The following KIF27 variants were observed in gnomAD, a reference collection of about 807,000 sequenced individuals.
KIF27 encodes kinesin family member 27, also known as kinesin-like protein KIF27.
Under a neutral mutation model 141.8 loss-of-function variants are expected in KIF27, and 84 were observed. That is an observed-to-expected ratio of 0.59 (90% confidence interval 0.50 to 0.71). The LOEUF is 0.71. Among genes scored for constraint, KIF27 ranks in the 30% least tolerant of loss-of-function variants. KIF27 has a pLI of 0.00. For missense variants in KIF27, 1,306 were observed against 1,628.4 expected (o/e 0.80, Z 3.41); for synonymous variants, 471 against 569.5 (o/e 0.83, Z 2.46).
intron 16 of KIF27, among the ~76,000 whole-genome samples, chr9:83,845,023 G>A (rs1947073121): frequency 6.6e-6 from 1 of 152,160 alleles, no homozygotes; most frequent in South Asian, 2.1e-4. Context: ...ATAGGTCCAG[G>A]ATGCTGTGCA....
chr9:83,898,323 T>G (rs546953705), intron 5 of KIF27, among the ~76,000 whole-genome samples: 8 of 152,298 alleles, frequency 5.3e-5, no homozygotes, highest in Admixed American at 4.6e-4. Flanking sequence ...AGTGGATGAA[T>G]CATAACAATG....
rs1169193264 is a variant in KIF27, at chr9:83,862,519, G to T, written c.2935-3148C>A. On this transcript the variant is annotated intron_variant, in intron 13 of 17. Coordinates refer to ENST00000297814, the MANE Select transcript of KIF27 (RefSeq NM_017576.4). The stretch of plus-strand genomic sequence containing the variant: ...GTATTATTTCTGAGGGCTCTGTTCT[G>T]TTCCACTGGTCTATATCTCTGTTTT... Among the ~76,000 whole-genome samples the T allele has an allele frequency of 2.0e-5, 3 of 152,080 alleles. No homozygotes were observed. The East Asian group carries it at 5.8e-4, about 29-fold the overall frequency.
chr9:83,858,564 T>C (rs7027334), intron 14 of KIF27: 4 of 152,352 alleles, frequency 2.6e-5, no homozygotes, highest in African/African-American at 9.6e-5. Context: ...TGACAGCCCA[T>C]AAATGAATCA....
intron 10 of KIF27, 95 bp from the exon 11 acceptor site, chr9:83,880,589 T>C: frequency 1.0e-6 from 1 of 979,118 alleles, no homozygotes; most frequent in South Asian, 1.6e-5. Flanking sequence ...AAGAAGAAAT[T>C]TTCCCTAGAT....
At chr9:83,867,233 G>A (rs1950435608) in intron 13 of KIF27, among the ~76,000 whole-genome samples, 1 of 152,096 alleles carries the variant, frequency 6.6e-6, no homozygotes, top group Non-Finnish European at 1.5e-5. Flanking sequence ...GATAATCACA[G>A]TTTATCCATT....
chr9:83,883,933 C>T lies in KIF27; in HGVS notation c.2325G>A (p.Leu775=), dbSNP rs2132252384. The T allele has an allele frequency of 1.2e-6, 2 of 1,613,716 alleles. No homozygotes were observed. The highest frequency in any genetic ancestry group is 1.7e-6 in the Non-Finnish European group (2 of 1,179,710). Residue 775 remains leucine, a synonymous_variant, in exon 10 of 18, where the codon CTG becomes CTA. Transcript: ENST00000297814. The part of the protein sequence containing the change: ...EHDAEQAKVE[L]IETQKQLQEL... ...CCTGTAGCTGCTTTTGTGTTTCAAT[C>T]AGTTCGACTTTTGCCTGTTCTGCAT...
At chr9:83,918,281 G>C (rs1039814976) in intron 1 of KIF27, among the ~76,000 whole-genome samples, 1 of 123,648 alleles carries the variant, frequency 8.1e-6, no homozygotes, top group African/African-American at 3.2e-5. Flanking sequence ...AGCAGAGCAA[G>C]AACTTGTCTC....
chr9:83,881,516 TCA>T (rs1424960462), intron 10 of KIF27, among the ~76,000 whole-genome samples: 5 of 152,210 alleles, frequency 3.3e-5, no homozygotes, highest in African/African-American at 1.2e-4. Flanking sequence ...CAGTGCTAGT[TCA>T]CAGACATTGT....
chr9:83,845,489 C>T (rs1947146391), intron 16 of KIF27, among the ~76,000 whole-genome samples: 2 of 152,196 alleles, frequency 1.3e-5, no homozygotes, highest in Admixed American at 6.5e-5. Flanking sequence ...TCTCCTCCAG[C>T]CTGCACCGAT....
In KIF27 at chr9:83,889,123, T is replaced by C; in HGVS notation, c.1940A>G (p.Asp647Gly). The change falls in exon 7 of 18, where the codon GAT (aspartate) becomes GGT (glycine). Residue 647 changes from aspartate to glycine, a missense_variant. Physicochemically the swap from Asp to Gly is moderately conservative, Grantham distance 94. This residue lies in a region of KIF27 where 596 missense variants were observed against 751.6 expected (regional missense o/e 0.79). Transcript: ENST00000297814. ...CTCTTGGCCTTCTGATTCTTCATCA[T>C]CACTGTTATCAGAAAATTGGCAGTG... ...VLHCQFSDNS[D>G]DEESEGQEKS... 1 of 1,613,858 alleles carries C rather than the reference T, an allele frequency of 6.2e-7. No homozygotes were observed. The highest frequency in any genetic ancestry group is 8.5e-7 in the Non-Finnish European group (1 of 1,179,838).
chr9:83,907,006 A>C (rs1191725055), intron 3 of KIF27, among the ~76,000 whole-genome samples: 1 of 151,872 alleles, frequency 6.6e-6, no homozygotes, highest in Non-Finnish European at 1.5e-5. Flanking sequence ...AAAAAATTAT[A>C]TGGGCCAGGC....
chr9:83,865,544 G>A (rs1442427527), intron 13 of KIF27, among the ~76,000 whole-genome samples: 5 of 152,094 alleles, frequency 3.3e-5, no homozygotes, highest in South Asian at 2.1e-4. Context: ...TGATCTGCCC[G>A]CCTTGGCCTC....
chr9:83,888,547 G>A lies in KIF27; in HGVS notation c.2025C>T (p.Ser675=), dbSNP rs200237706. The A allele has an allele frequency of 2.4e-5, 38 of 1,598,682 alleles. No homozygotes were observed. The East Asian group carries it at 8.2e-4, about 34-fold the overall frequency. The change falls in exon 8 of 18, where the codon TCC becomes TCT. Residue 675 remains serine, a synonymous_variant. Transcript: ENST00000297814. ...CCTGAGTATCACTCAATTCAACAAG[G>A]GAACAAACAGAGTCTGGCTTCTGAA... ...SWIQKPDSVC[S]LVELSDTQDE... is the part of the protein sequence containing the mutation.
rs114435432 is a variant in KIF27, at chr9:83,888,553, A to G, written c.2019T>C (p.Val673=). ...SRSWIQKPDS[V]CSLVELSDTQ... is the part of the protein sequence containing the mutation. ...TATCACTCAATTCAACAAGGGAACA[A>G]ACAGAGTCTGGCTTCTGAATCCATG... Residue 673 remains valine (V), a synonymous_variant, in exon 8 of 18, where the codon GTT becomes GTC. Coordinates refer to ENST00000297814, the MANE Select transcript of KIF27 (RefSeq NM_017576.4). The G allele has an allele frequency of 1.8e-4, 286 of 1,600,680 alleles. No homozygotes were observed. The African/African-American group carries it at 3.8e-3, about 21-fold the overall frequency.
intron 5 of KIF27, among the ~76,000 whole-genome samples, chr9:83,897,776 A>T (rs996032329): frequency 6.6e-6 from 1 of 152,200 alleles, no homozygotes; most frequent in Non-Finnish European, 1.5e-5. Flanking sequence ...ACTCAATAGA[A>T]AAACAAACAA....
At chr9:83,861,256 G>T (rs10868066) in intron 13 of KIF27, among the ~76,000 whole-genome samples, 100,323 of 151,208 alleles carry the variant, frequency 0.66, 33,849 homozygotes, top group African/African-American at 0.77. Context: ...TGTATACATG[G>T]GCCATGTTGG....
At chr9:83,837,592 A>C in intron 17 of KIF27, 107 bp from the exon 18 acceptor site, 5 of 1,129,386 alleles carry the variant, frequency 4.4e-6, no homozygotes, top group Non-Finnish European at 5.0e-6. Context: ...AATATGCATA[A>C]TGTTTTTCAA....
intron 5 of KIF27, among the ~76,000 whole-genome samples, chr9:83,897,077 T>C (rs1317835387): frequency 6.6e-6 from 1 of 152,160 alleles, no homozygotes; most frequent in African/African-American, 2.4e-5. Flanking sequence ...CATTCTATAG[T>C]ATGTGAATTA....
At chr9:83,904,875 T>A (rs556549128) in intron 3 of KIF27, among the ~76,000 whole-genome samples, 53 of 151,930 alleles carry the variant, frequency 3.5e-4, no homozygotes, top group African/African-American at 1.3e-3. Flanking sequence ...ATAAAGTTGG[T>A]TATTCATTTT....
Sources: gnomAD v4.1 joint callset for allele counts (sites outside exome capture counted in the v4.1 genomes callset) on GRCh38, gnomAD v4.1.1 for gene constraint, gnomAD v4.1.1 regional missense constraint, MANE v1.5 for transcripts, NCBI Gene and HGNC (gene_info 2026-07-23, HGNC 2026-07-21) for gene names.